CDKAL1: variants seen among roughly 807,000 people sequenced by gnomAD.
CDKAL1 encodes CDKAL1 threonylcarbamoyladenosine tRNA methylthiotransferase.
Under a neutral mutation model 68.2 loss-of-function variants are expected in CDKAL1, and 32 were observed. That is an observed-to-expected ratio of 0.47 (90% CI 0.35 to 0.63). The LOEUF (loss-of-function observed/expected upper bound fraction) is 0.63, where lower values mean the gene tolerates loss of function less well. Ranked by LOEUF, CDKAL1 falls within the 30% of genes least tolerant of loss-of-function variation. The pLI, the probability that CDKAL1 is intolerant of heterozygous loss-of-function variation, is 0.00. For synonymous variants in CDKAL1, 234 were observed against 244.3 expected, an observed-to-expected ratio of 0.96 and a Z score of 0.39; for missense variants, 606 against 696.7, an observed-to-expected ratio of 0.87 and a Z score of 1.47.
At chr6:20,743,889 A>G (rs1489172202) in intron 6 of CDKAL1, among the ~76,000 whole-genome samples, 1 of 152,238 alleles carries the variant, frequency 6.6e-6, no homozygotes, top group Admixed American at 6.5e-5. Flanking sequence ...TATGTCTTGA[A>G]TAAAAAGTTT....
intron 12 of CDKAL1, among the ~76,000 whole-genome samples, chr6:21,099,829 CTG>C (rs1773494290): frequency 6.6e-6 from 1 of 152,232 alleles, no homozygotes; most frequent in Admixed American, 6.5e-5. Context: ...TCTGGCCTAA[CTG>C]CTAGTAAAGG....
chr6:20,891,381 G>C (rs1761384604), intron 9 of CDKAL1, among the ~76,000 whole-genome samples: 1 of 152,140 alleles, frequency 6.6e-6, no homozygotes, highest in Admixed American at 6.5e-5. Flanking sequence ...GCTGCAGCCT[G>C]TCCTTACTGT....
At chr6:20,629,682 T>G (rs1044297117) in intron 4 of CDKAL1, among the ~76,000 whole-genome samples, 2 of 152,012 alleles carry the variant, frequency 1.3e-5, no homozygotes, top group African/African-American at 4.8e-5. Flanking sequence ...CACCTCCTGG[T>G]CTTTGACACC....
chr6:21,008,094 G>A (rs1174614287), intron 11 of CDKAL1, among the ~76,000 whole-genome samples: 1 of 152,158 alleles, frequency 6.6e-6, no homozygotes, highest in Non-Finnish European at 1.5e-5. Flanking sequence ...AAATGAGAAG[G>A]AGGAGGAGTT....
chr6:21,041,475 G>A (rs1442851804), intron 11 of CDKAL1, among the ~76,000 whole-genome samples: 4 of 151,432 alleles, frequency 2.6e-5, no homozygotes, highest in Non-Finnish European at 5.9e-5. Flanking sequence ...AAGAAGGATT[G>A]AATAAAAAAA....
chr6:21,214,985 G>A (rs116789219), intron 15 of CDKAL1, among the ~76,000 whole-genome samples: 158 of 152,294 alleles, frequency 1.0e-3, no homozygotes, highest in African/African-American at 3.6e-3. Flanking sequence ...TCCTAGATAT[G>A]GGTTATCTTT....
intron 4 of CDKAL1, among the ~76,000 whole-genome samples, chr6:20,630,818 ATC>A (rs1001648841): frequency 2.6e-5 from 4 of 152,166 alleles, no homozygotes; most frequent in African/African-American, 9.7e-5. Flanking sequence ...AAGTCACAAC[ATC>A]TCTTTCTATT....
chr6:20,539,109 G>T lies in CDKAL1; in HGVS notation c.-6+3715G>T, dbSNP rs931885879. ...TATTTTAGATAAGGTAGTAGGAAAGGCCTCTCCGAGGAGATGTTGTTTGAG... is the reference window on the plus strand; with the variant it reads ...TATTTTAGATAAGGTAGTAGGAAAGTCCTCTCCGAGGAGATGTTGTTTGAG... On this transcript the variant is annotated intron_variant, in intron 2 of 15. Transcript: ENST00000274695. The surrounding 1 kb of genome is among the most constrained non-coding windows in gnomAD (Gnocchi z 4.3). Among the ~76,000 whole-genome samples the T allele has an allele frequency of 6.6e-6, 1 of 152,194 alleles. No individual in the cohort carries two copies. Among genetic ancestry groups the T allele is most frequent in the Non-Finnish European group, 1.5e-5 (1 of 68,030 alleles).
intron 7 of CDKAL1, among the ~76,000 whole-genome samples, chr6:20,768,709 T>G (rs376921193): frequency 1.3e-5 from 2 of 152,268 alleles, no homozygotes; most frequent in East Asian, 3.9e-4. Flanking sequence ...TGAAGGAGCT[T>G]TCATTTCCAC....
intron 9 of CDKAL1, among the ~76,000 whole-genome samples, chr6:20,945,068 AC>A (rs1764170031): frequency 1.8e-5 from 1 of 56,966 alleles, no homozygotes; most frequent in African/African-American, 8.0e-5. Context: ...GTGCACACAC[AC>A]GTACACACAC....
chr6:20,669,508 CGTTT>C (rs1769709431), intron 5 of CDKAL1, among the ~76,000 whole-genome samples: 1 of 151,974 alleles, frequency 6.6e-6, no homozygotes, highest in Admixed American at 6.6e-5. Context: ...TTGTTGTTGT[CGTTT>C]GTTTTCTTAT....
At chr6:20,817,503 G>T (rs185119322) in intron 8 of CDKAL1, among the ~76,000 whole-genome samples, 19 of 152,190 alleles carry the variant, frequency 1.2e-4, no homozygotes, top group Admixed American at 1.2e-3. Context: ...GAAACACTTT[G>T]AACATGAAAG....
At chr6:20,848,674 T>C (rs1218256877) in intron 9 of CDKAL1, among the ~76,000 whole-genome samples, 1 of 152,224 alleles carries the variant, frequency 6.6e-6, no homozygotes, top group Non-Finnish European at 1.5e-5. Context: ...GGTTTTTCTG[T>C]TGCCTTATTA....
chr6:20,848,291 T>TTGTTTGTTTGTTTG (rs1298358580), intron 9 of CDKAL1, among the ~76,000 whole-genome samples: 10 of 152,050 alleles, frequency 6.6e-5, no homozygotes, highest in African/African-American at 2.4e-4. Context: ...TTTTTTTTTT[T>TTGTTTGTTTGTTTG]TTCCAATTTA....
At chr6:20,585,143 G>T (rs923386484) in intron 4 of CDKAL1, among the ~76,000 whole-genome samples, 10 of 145,274 alleles carry the variant, frequency 6.9e-5, no homozygotes, top group African/African-American at 2.6e-4. Context: ...TGCAAGCTCC[G>T]CCTCCCGGGT....
At chr6:20,874,948 T>C (rs983314127) in intron 9 of CDKAL1, among the ~76,000 whole-genome samples, 3 of 152,024 alleles carry the variant, frequency 2.0e-5, no homozygotes, top group African/African-American at 7.2e-5. Flanking sequence ...AGAGGTTGTG[T>C]CAAAAAACTT....
At chr6:20,869,802 A>G (rs974825493) in intron 9 of CDKAL1, among the ~76,000 whole-genome samples, 7 of 152,204 alleles carry the variant, frequency 4.6e-5, no homozygotes, top group Admixed American at 2.0e-4. Flanking sequence ...TTAAAGATCC[A>G]TAGTATATAT....
chr6:20,579,047 G>A (rs933584629), intron 4 of CDKAL1, among the ~76,000 whole-genome samples: 2 of 152,090 alleles, frequency 1.3e-5, no homozygotes, highest in East Asian at 1.9e-4. Flanking sequence ...GCGCAATCTC[G>A]GCTCACTGCA....
At chr6:20,969,316 A>T (rs1313659046) in intron 10 of CDKAL1, among the ~76,000 whole-genome samples, 1 of 152,204 alleles carries the variant, frequency 6.6e-6, no homozygotes, top group Non-Finnish European at 1.5e-5. Flanking sequence ...TAGAGGAAAG[A>T]AAATGTTATT....
Sources: allele counts gnomAD v4.1 joint callset (sites outside exome capture counted in the v4.1 genomes callset), GRCh38; gene constraint gnomAD v4.1.1; non-coding constraint Gnocchi (gnomAD v3.1); transcripts MANE v1.5; gene names NCBI Gene and HGNC (gene_info 2026-07-23, HGNC 2026-07-21).